The following CHCHD6 variants were observed in gnomAD, a reference collection of about 807,000 sequenced individuals.
CHCHD6 encodes the protein coiled-coil-helix-coiled-coil-helix domain containing 6.
Under a neutral mutation model 32.3 loss-of-function variants are expected in CHCHD6, and 28 were observed. The observed-to-expected ratio is 0.87, with a 90% CI of 0.64 to 1.19. CHCHD6 has a LOEUF of 1.19. Among genes scored for constraint, CHCHD6 ranks in the 50% most tolerant of loss-of-function variants. CHCHD6 has a pLI of 0.00. For missense variants in CHCHD6, 333 were observed against 307.0 expected (o/e 1.08, Z -0.63); for synonymous variants, 122 against 117.5 (o/e 1.04, Z -0.25).
chr3:126,947,814 C>T (rs957530642), intron 6 of CHCHD6, among the ~76,000 whole-genome samples: 1 of 152,192 alleles, frequency 6.6e-6, no homozygotes, highest in African/African-American at 2.4e-5. Context: ...AGAAGACTTC[C>T]TGGGCAGCAC....
chr3:126,887,455 C>T (rs1176944283), intron 5 of CHCHD6, among the ~76,000 whole-genome samples: 3 of 152,148 alleles, frequency 2.0e-5, no homozygotes, highest in African/African-American at 7.2e-5. Context: ...TCTAGAGCTG[C>T]CTGGTGCAAG....
chr3:126,944,370 T>A (rs1279917038), intron 6 of CHCHD6, among the ~76,000 whole-genome samples: 3 of 151,954 alleles, frequency 2.0e-5, no homozygotes, highest in Non-Finnish European at 4.4e-5. Flanking sequence ...CCCAATGACT[T>A]AATTATTGAT....
chr3:126,740,760 G>T (rs57337794), intron 4 of CHCHD6, among the ~76,000 whole-genome samples: 1 of 152,140 alleles, frequency 6.6e-6, no homozygotes, highest in African/African-American at 2.4e-5. Flanking sequence ...AGGCCTCCTG[G>T]GTTCCCACTT....
chr3:126,755,417 A>G (rs1378281806), intron 4 of CHCHD6, among the ~76,000 whole-genome samples: 1 of 152,184 alleles, frequency 6.6e-6, no homozygotes, highest in Admixed American at 6.5e-5. Flanking sequence ...GGCTCTGGGT[A>G]ACATCCCTGG....
chr3:126,950,256 A>G (rs1436344956), intron 6 of CHCHD6, among the ~76,000 whole-genome samples: 4 of 152,078 alleles, frequency 2.6e-5, no homozygotes, highest in Non-Finnish European at 4.4e-5. Flanking sequence ...TATGCAGGGT[A>G]GTCAGAGGCA....
chr3:126,799,892 T>G (rs1160387004), intron 4 of CHCHD6, among the ~76,000 whole-genome samples: 1 of 152,232 alleles, frequency 6.6e-6, no homozygotes, highest in African/African-American at 2.4e-5. Context: ...AAACAGTCTT[T>G]TTCATTTAGC....
At chr3:126,957,355 G>T in intron 6 of CHCHD6, 61 bp from the exon 7 acceptor site, 1 of 1,577,128 alleles carries the variant, frequency 6.3e-7, no homozygotes, top group Non-Finnish European at 8.6e-7. Context: ...AATGTGAGTT[G>T]TTTCTCTCCC....
chr3:126,917,940 A>G (rs1045645473), intron 6 of CHCHD6, among the ~76,000 whole-genome samples: 4 of 152,208 alleles, frequency 2.6e-5, no homozygotes, highest in Non-Finnish European at 5.9e-5. Context: ...ATAAACGTCT[A>G]TTGTTTATAA....
At chr3:126,793,513 C>G (rs1559847268) in intron 4 of CHCHD6, among the ~76,000 whole-genome samples, 1 of 152,122 alleles carries the variant, frequency 6.6e-6, no homozygotes, top group Non-Finnish European at 1.5e-5. Context: ...TTTCCCCTCC[C>G]CCCATAATGA....
chr3:126,818,403 G>T (rs1304986543), intron 4 of CHCHD6, among the ~76,000 whole-genome samples: 1 of 152,116 alleles, frequency 6.6e-6, no homozygotes, highest in African/African-American at 2.4e-5. Context: ...GTCTCCCAGA[G>T]GTGACCGGAT....
At chr3:126,865,674 G>T (rs899556799) in intron 5 of CHCHD6, 1 of 984,976 alleles carries the variant, frequency 1.0e-6, no homozygotes. Flanking sequence ...CTCCCTCACT[G>T]CCCCCACTTC....
Position 126,799,067 on chromosome 3 carries a change from C to T in CHCHD6, c.412-53580C>T, listed in dbSNP as rs548100229. On this transcript the variant is annotated intron_variant, in intron 4 of 7. Coordinates refer to ENST00000290913, the MANE Select transcript of CHCHD6 (RefSeq NM_032343.3). The stretch of plus-strand genomic sequence containing the variant: ...CATGGCTCCTGGACTTTTGCATTAC[C>T]AGGCTTGGCCCTTTGTTAACATTGT... Among the ~76,000 whole-genome samples the T allele has an allele frequency of 3.3e-5, 5 of 152,310 alleles. No individual in the cohort carries two copies. The South Asian group carries it at 1.0e-3, about 32-fold the overall frequency.
intron 5 of CHCHD6, among the ~76,000 whole-genome samples, chr3:126,909,965 T>C (rs1174881059): frequency 6.6e-6 from 1 of 152,206 alleles, no homozygotes; most frequent in Non-Finnish European, 1.5e-5. Flanking sequence ...TCCACACAGC[T>C]GCCAGAATGT....
intron 4 of CHCHD6, among the ~76,000 whole-genome samples, chr3:126,845,898 C>CT: frequency 6.6e-6 from 1 of 152,280 alleles, no homozygotes; most frequent in Middle Eastern, 3.4e-3. Flanking sequence ...TAGTCAGAAT[C>CT]TATTTTTTCA....
chr3:126,844,902 T>A (rs1269567509), intron 4 of CHCHD6, among the ~76,000 whole-genome samples: 1 of 152,122 alleles, frequency 6.6e-6, no homozygotes, highest in Non-Finnish European at 1.5e-5. Context: ...CAGTGTGATG[T>A]GAGGCCATGA....
intron 4 of CHCHD6, among the ~76,000 whole-genome samples, chr3:126,836,276 A>G (rs945570581): frequency 6.6e-6 from 1 of 152,068 alleles, no homozygotes; most frequent in East Asian, 1.9e-4. Context: ...CGAATATGTC[A>G]TGTTTGTTCC....
chr3:126,730,227 A>G (rs1168802347), intron 2 of CHCHD6, among the ~76,000 whole-genome samples: 3 of 151,918 alleles, frequency 2.0e-5, no homozygotes, highest in African/African-American at 7.3e-5. Context: ...TCCCGCAGCC[A>G]CTCCTGGCCT....
rs574284210 is a variant in CHCHD6 at position 126,883,573 on chromosome 3, G to A, written c.495+30843G>A. On this transcript the variant is annotated intron_variant, in intron 5 of 7. Coordinates refer to ENST00000290913, the MANE Select transcript of CHCHD6 (RefSeq NM_032343.3). Reference sequence around the variant, plus strand: ...TGGTTTGAGTTTTTCCAGACACAGTGTTTTGAAGGCTGGCTGTGGGAACAG... The same window carrying A: ...TGGTTTGAGTTTTTCCAGACACAGTATTTTGAAGGCTGGCTGTGGGAACAG... Among the ~76,000 whole-genome samples, 14 of 152,274 alleles carry A rather than the reference G, an allele frequency of 9.2e-5. No homozygotes were observed. The East Asian group carries it at 2.1e-3, about 23-fold the overall frequency.
chr3:126,776,270 T>C (rs1458059969), intron 4 of CHCHD6, among the ~76,000 whole-genome samples: 1 of 152,222 alleles, frequency 6.6e-6, no homozygotes, highest in Non-Finnish European at 1.5e-5. Flanking sequence ...CTGGGTACTC[T>C]ATGTCACTGC....
Sources: gnomAD v4.1 joint callset for allele counts (sites outside exome capture counted in the v4.1 genomes callset) on GRCh38, gnomAD v4.1.1 for gene constraint, MANE v1.5 for transcripts, NCBI Gene and HGNC (gene_info 2026-07-23, HGNC 2026-07-21) for gene names.